Variants in GMPS observed in about 807,000 individuals in gnomAD.
GMPS encodes the protein guanosine monophosphate synthase.
In GMPS, 15 loss-of-function variants were observed where a neutral mutation model predicts 77.9. The ratio of observed to expected loss-of-function variants is 0.19; its 90% CI spans 0.13 to 0.30. GMPS has a LOEUF of 0.30. Ranked by LOEUF, GMPS falls within the 10% of genes least tolerant of loss-of-function variation. The pLI, the probability that GMPS is intolerant of heterozygous loss-of-function variation, is 1.00. For missense variants in GMPS, 590 were observed against 838.8 expected, an observed-to-expected ratio of 0.70 and a Z score of 3.66; for synonymous variants, 224 against 275.9, an observed-to-expected ratio of 0.81 and a Z score of 1.86.
Position 155,941,006 on chromosome 3 carries a change from TC to T in GMPS, c.*3315del, listed in dbSNP as rs1755874534. ...TTGACACTAATGAAGTCACCCATCA[TC>T]AATTACATACAGCTAATTGTTGGGA... On this transcript the variant is annotated 3_prime_UTR_variant, in exon 16 of 16. Coordinates refer to ENST00000496455, the MANE Select transcript of GMPS (RefSeq NM_003875.3). 1 of 201,356 alleles carries T rather than the reference TC, an allele frequency of 5.0e-6. No homozygotes were observed. Among genetic ancestry groups the T allele is most frequent in the Admixed American group, 6.0e-5 (1 of 16,656 alleles). 12.5% of individuals were successfully genotyped at this position (201,356 alleles called of 1,614,324 possible).
At chr3:155,925,420 C>A in intron 12 of GMPS, 54 bp downstream of exon 12, 1 of 1,377,282 alleles carries the variant, frequency 7.3e-7, no homozygotes, top group Non-Finnish European at 9.8e-7. Context: ...TTTTTCTTTT[C>A]TTGAGACGGA....
At chr3:155,929,840 A>C (rs1184160486) in intron 12 of GMPS, among the ~76,000 whole-genome samples, 1 of 98,716 alleles carries the variant, frequency 1.0e-5, no homozygotes, top group African/African-American at 3.8e-5. Flanking sequence ...GAGAACTACA[A>C]ACCACTGCTC....
Position 155,871,926 on chromosome 3 carries a change from C to T in GMPS, c.27+1029C>T, listed in dbSNP as rs1240166718. On this transcript the variant is annotated intron_variant, in intron 1 of 15. Coordinates refer to ENST00000496455, the MANE Select transcript of GMPS (RefSeq NM_003875.3). The stretch of plus-strand genomic sequence containing the variant: ...CCTCTGTATTAAAATTTTCATTGGC[C>T]TGGAGTTCTTTCTGACCTTCACTAA... Among the ~76,000 whole-genome samples, 4 of 152,202 alleles carry T rather than the reference C, an allele frequency of 2.6e-5. No individual in the cohort carries two copies. In the East Asian group the frequency reaches 7.7e-4, roughly 29 times the overall value.
chr3:155,883,829 C>T (rs1425288018), intron 1 of GMPS, among the ~76,000 whole-genome samples: 1 of 152,104 alleles, frequency 6.6e-6, no homozygotes, highest in Admixed American at 6.5e-5. Context: ...TCAGACTGAA[C>T]ATAGTTCAGA....
At chr3:155,890,212 G>A (rs538849606) in intron 1 of GMPS, among the ~76,000 whole-genome samples, 56 of 152,298 alleles carry the variant, frequency 3.7e-4, no homozygotes, top group African/African-American at 1.3e-3. Flanking sequence ...AATCTCTTGT[G>A]TCACAGAATT....
At chr3:155,891,562 C>G (rs928897763) in intron 1 of GMPS, among the ~76,000 whole-genome samples, 1 of 151,350 alleles carries the variant, frequency 6.6e-6, no homozygotes, top group Non-Finnish European at 1.5e-5. Context: ...GATTGGCTCC[C>G]TCTCACAAAT....
At chr3:155,876,528 C>T (rs1471753814) in intron 1 of GMPS, among the ~76,000 whole-genome samples, 2 of 152,160 alleles carry the variant, frequency 1.3e-5, no homozygotes, top group Non-Finnish European at 2.9e-5. Context: ...ACAAACCCGT[C>T]CTATTTTACT....
At chr3:155,925,179 T>C in intron 11 of GMPS, 62 bp from the exon 12 acceptor site, 2 of 1,437,452 alleles carry the variant, frequency 1.4e-6, no homozygotes, top group Non-Finnish European at 1.9e-6. Context: ...TAGTAGTAGA[T>C]AATAAAAGAG....
intron 13 of GMPS, among the ~76,000 whole-genome samples, chr3:155,932,119 A>G (rs1014700732): frequency 2.0e-5 from 3 of 152,154 alleles, no homozygotes; most frequent in South Asian, 2.1e-4. Flanking sequence ...AAAATTATTT[A>G]AAGGAGAAAG....
At chr3:155,930,913 G>A (rs190275676) in intron 12 of GMPS, among the ~76,000 whole-genome samples, 7 of 152,044 alleles carry the variant, frequency 4.6e-5, no homozygotes, top group Non-Finnish European at 1.0e-4. Flanking sequence ...CCTCGACCTC[G>A]TTGGGCTCAG....
At position 155,870,997 on chromosome 3, in the gene GMPS, C is replaced by G. The variant is rs529687643; in HGVS notation, c.27+100C>G. ...GCCCTTCCCCACCCCCTTCCCCCAG[C>G]CCGTCCGCGCAGCCCTGCGCCCCGG... is the stretch of plus-strand genomic sequence containing the variant. On this transcript the variant is annotated intron_variant, in intron 1 of 15. Transcript: ENST00000496455. 1.1e-5 allele frequency: 12 copies of G among 1,132,984 alleles called. No homozygotes were observed. In the East Asian group the frequency reaches 2.2e-4, roughly 21 times the overall value. 70.2% of individuals were successfully genotyped at this position (1,132,984 alleles called of 1,614,324 possible).
At chr3:155,880,251 G>A (rs1327945760) in intron 1 of GMPS, among the ~76,000 whole-genome samples, 4 of 152,032 alleles carry the variant, frequency 2.6e-5, no homozygotes, top group Non-Finnish European at 5.9e-5. Context: ...GATAATTTTT[G>A]TATCTTTTCT....
At chr3:155,914,768 T>C (rs1755130526) in intron 8 of GMPS, among the ~76,000 whole-genome samples, 198 bp downstream of exon 8, 1 of 152,080 alleles carries the variant, frequency 6.6e-6, no homozygotes, top group Non-Finnish European at 1.5e-5. Context: ...TGTTTGGTTT[T>C]TTTTTTGTTT....
intron 2 of GMPS, among the ~76,000 whole-genome samples, chr3:155,894,390 A>G (rs1411675010): frequency 6.6e-6 from 1 of 151,978 alleles, no homozygotes; most frequent in Non-Finnish European, 1.5e-5. Context: ...CACCTGGCTA[A>G]TTTTTGTATT....
At chr3:155,876,456 A>G (rs73159054) in intron 1 of GMPS, among the ~76,000 whole-genome samples, 17,362 of 152,272 alleles carry the variant, frequency 0.11, 1,115 homozygotes, top group African/African-American at 0.16. Context: ...TATGCTTGCA[A>G]CCCACACAAC....
At chr3:155,872,303 C>G (rs1250116875) in intron 1 of GMPS, among the ~76,000 whole-genome samples, 1 of 152,166 alleles carries the variant, frequency 6.6e-6, no homozygotes, top group African/African-American at 2.4e-5. Context: ...ACCAAGGCAC[C>G]AGTGGTGCTT....
rs370147582 is a variant in GMPS at position 155,914,882 on chromosome 3, C to T, written c.1038+312C>T. ...CTTCTGGGTTCAAGTGATTCTCCTG[C>T]CTCAGCCTCCTAAGTAGCTGGGACT... On this transcript the variant is annotated intron_variant, in intron 8 of 15. Coordinates refer to ENST00000496455, the MANE Select transcript of GMPS (RefSeq NM_003875.3). Among the ~76,000 whole-genome samples, 29 of 152,022 alleles carry T rather than the reference C, an allele frequency of 1.9e-4. No homozygotes were observed. The South Asian group carries it at 6.0e-3, about 32-fold the overall frequency.
chr3:155,882,033 A>C (rs1385566217), intron 1 of GMPS, among the ~76,000 whole-genome samples: 3 of 152,096 alleles, frequency 2.0e-5, no homozygotes, highest in Non-Finnish European at 4.4e-5. Context: ...GCACCACCGC[A>C]CTCCAACCTG....
Position 155,891,006 on chromosome 3 carries a change from A to G in GMPS, c.28-2512A>G, listed in dbSNP as rs995522624. 2.0e-5 allele frequency among the ~76,000 whole-genome samples: 3 copies of G among 152,220 alleles called. No individual in the cohort carries two copies. The East Asian group carries it at 5.8e-4, about 29-fold the overall frequency. ...CTGGCTGTTTGTTGTCCATTGACCA[A>G]TCACCAATAGAATGAAAGAAGGGAG... is the stretch of plus-strand genomic sequence containing the variant. On this transcript the variant is annotated intron_variant, in intron 1 of 15. Coordinates refer to ENST00000496455, the MANE Select transcript of GMPS (RefSeq NM_003875.3).
Sources: gnomAD v4.1 joint callset for allele counts (sites outside exome capture counted in the v4.1 genomes callset) on GRCh38, gnomAD v4.1.1 for gene constraint, MANE v1.5 for transcripts, NCBI Gene and HGNC (gene_info 2026-07-23, HGNC 2026-07-21) for gene names.